TPO: variants seen among roughly 807,000 people sequenced by gnomAD.
The protein encoded by TPO is thyroid peroxidase, also known as thyroid microsomal antigen.
A neutral mutation model predicts 96.9 loss-of-function variants in TPO; 78 were observed. That is an observed-to-expected ratio of 0.81 (90% CI 0.67 to 0.97). TPO has a LOEUF of 0.97. Among genes scored for constraint, TPO ranks in the 50% least tolerant of loss-of-function variants. TPO has a pLI of 0.00. For synonymous variants in TPO, 547 were observed against 538.0 expected, an observed-to-expected ratio of 1.02 and a Z score of -0.23; for missense variants, 1,252 against 1,274.8, an observed-to-expected ratio of 0.98 and a Z score of 0.27.
Position 1,496,784 on chromosome 2 carries a change from G to T in TPO, c.2386+19G>T. ...TGCAAAGGTCAGTCCTTTCTTCAAT[G>T]ACAATTACAAAACATCTGAATGTTT... On this transcript the variant is annotated intron_variant, in intron 13 of 16. Transcript: ENST00000329066. The T allele has an allele frequency of 6.2e-7, 1 of 1,614,102 alleles. No homozygotes were observed. Among genetic ancestry groups the T allele is most frequent in the Non-Finnish European group, 8.5e-7 (1 of 1,180,032 alleles).
At chr2:1,448,841 A>G (rs13425669) in intron 5 of TPO, among the ~76,000 whole-genome samples, 69,442 of 152,006 alleles carry the variant, frequency 0.46, 16,138 homozygotes, top group South Asian at 0.58. Flanking sequence ...CTCGATGATG[A>G]ATGGAGCCAG....
chr2:1,491,790 GC>G (rs2124902409), intron 10 of TPO, among the ~76,000 whole-genome samples: 1 of 152,308 alleles, frequency 6.6e-6, no homozygotes, highest in South Asian at 2.1e-4. Context: ...TGTTGGAGGT[GC>G]TGAGATGGAG....
intron 9 of TPO, among the ~76,000 whole-genome samples, chr2:1,487,562 A>G (rs907436983): frequency 3.3e-5 from 5 of 152,170 alleles, no homozygotes; most frequent in Non-Finnish European, 1.5e-5. Flanking sequence ...GTGAAACCCC[A>G]TCTCTACTAA....
intron 7 of TPO, among the ~76,000 whole-genome samples, chr2:1,462,531 C>T (rs1354839397): frequency 6.7e-6 from 1 of 148,184 alleles, no homozygotes; most frequent in East Asian, 2.0e-4. Context: ...CACACACACA[C>T]ACACACACAC....
chr2:1,490,624 G>C (rs796897960), intron 10 of TPO, among the ~76,000 whole-genome samples: 2 of 152,228 alleles, frequency 1.3e-5, no homozygotes, highest in Non-Finnish European at 2.9e-5. Flanking sequence ...AAGATGGATC[G>C]AGAGACTGAA....
chr2:1,495,706 G>A (rs564052814), intron 11 of TPO, among the ~76,000 whole-genome samples: 36 of 152,322 alleles, frequency 2.4e-4, no homozygotes, highest in Admixed American at 9.8e-4. Flanking sequence ...ACCTGCACCT[G>A]AGTGGTCCCG....
At chr2:1,523,213 TCCC>T (rs1168069207) in intron 15 of TPO, among the ~76,000 whole-genome samples, 1 of 14,234 alleles carries the variant, frequency 7.0e-5, no homozygotes, top group South Asian at 2.7e-3. Context: ...ACCTCCCAAA[TCCC>T]CCCACTTTGA....
At chr2:1,382,257 T>C (rs542015333) in intron 1 of TPO, among the ~76,000 whole-genome samples, 1 of 152,224 alleles carries the variant, frequency 6.6e-6, no homozygotes, top group South Asian at 2.1e-4. Context: ...AGCTCCCAAG[T>C]ATAAATGACA....
chr2:1,436,185 A>G, intron 4 of TPO, 67 bp from the exon 5 acceptor site: 2 of 1,612,772 alleles, frequency 1.2e-6, no homozygotes, highest in Non-Finnish European at 1.7e-6. Context: ...TTGAGACTGC[A>G]ATAGAATATT....
intron 15 of TPO, among the ~76,000 whole-genome samples, chr2:1,530,778 G>T (rs146403365): frequency 1 from 83,746 of 83,762 alleles, 41,867 homozygotes; most frequent in Middle Eastern, 1. Flanking sequence ...ATCCCCCCAT[G>T]GGGGGCAACG....
intron 15 of TPO, among the ~76,000 whole-genome samples, chr2:1,521,575 G>T (rs1675270081): frequency 6.6e-6 from 1 of 152,102 alleles, no homozygotes; most frequent in South Asian, 2.1e-4. Flanking sequence ...GAAGCTTCTG[G>T]TCATCTGAAC....
chr2:1,484,531 G>T, intron 8 of TPO, 65 bp from the exon 9 acceptor site: 1 of 1,608,772 alleles, frequency 6.2e-7, no homozygotes. Flanking sequence ...CTTCCACACT[G>T]CCGCTCGAGG....
chr2:1,440,133 A>G (rs1666010150), intron 5 of TPO, among the ~76,000 whole-genome samples: 1 of 150,708 alleles, frequency 6.6e-6, no homozygotes, highest in Admixed American at 6.6e-5. Flanking sequence ...CTACATTTCC[A>G]CTGTGCTGCG....
At chr2:1,486,036 C>A (rs1020709196) in intron 9 of TPO, among the ~76,000 whole-genome samples, 7 of 152,136 alleles carry the variant, frequency 4.6e-5, no homozygotes, top group African/African-American at 1.4e-4. Context: ...GGTTTTAGGT[C>A]TAACATTTAA....
chr2:1,396,479 A>G (rs1662082272), intron 1 of TPO, among the ~76,000 whole-genome samples: 1 of 152,196 alleles, frequency 6.6e-6, no homozygotes, highest in African/African-American at 2.4e-5. Flanking sequence ...TGCAAATCTG[A>G]CAGTGCTCGA....
chr2:1,377,454 C>T (rs988310785), intron 1 of TPO, among the ~76,000 whole-genome samples: 2 of 152,186 alleles, frequency 1.3e-5, no homozygotes, highest in African/African-American at 2.4e-5. Context: ...ACCCTTACCT[C>T]GCCGTGGCTC....
At chr2:1,419,685 G>C (rs1341335387) in intron 2 of TPO, among the ~76,000 whole-genome samples, 1 of 152,154 alleles carries the variant, frequency 6.6e-6, no homozygotes, top group Middle Eastern at 3.2e-3. Flanking sequence ...TGTTTCCTGG[G>C]AACTCAAAGT....
chr2:1,527,521 G>A (rs1341784755), intron 15 of TPO, among the ~76,000 whole-genome samples: 1 of 144,352 alleles, frequency 6.9e-6, no homozygotes, highest in African/African-American at 2.6e-5. Flanking sequence ...CCCAGTGTGT[G>A]CAACTTCCCT....
chr2:1,497,261 G>C (rs1425833273), intron 13 of TPO, among the ~76,000 whole-genome samples: 2 of 152,216 alleles, frequency 1.3e-5, no homozygotes, highest in African/African-American at 4.8e-5. Context: ...GCGGTAATTT[G>C]AGAGCAGGAT....
Sources: allele counts gnomAD v4.1 joint callset (sites outside exome capture counted in the v4.1 genomes callset), GRCh38; gene constraint gnomAD v4.1.1; transcripts MANE v1.5; gene names NCBI Gene and HGNC (gene_info 2026-07-23, HGNC 2026-07-21).